Variants in ARHGAP25 observed in about 807,000 individuals in gnomAD.
The protein encoded by ARHGAP25 is Rho GTPase activating protein 25.
ARHGAP25 carries 34 observed loss-of-function variants against 71.0 expected under a neutral mutation model. The ratio of observed to expected loss-of-function variants is 0.48; its 90% CI spans 0.36 to 0.64. ARHGAP25 has a LOEUF of 0.64. Among genes scored for constraint, ARHGAP25 ranks in the 30% least tolerant of loss-of-function variants. The probability of loss-of-function intolerance (pLI) is 0.00; values close to 1 mark genes in which losing one functional copy is unlikely to be tolerated. For synonymous variants in ARHGAP25, 282 were observed against 296.5 expected, an observed-to-expected ratio of 0.95 and a Z score of 0.50; for missense variants, 706 against 805.1, an observed-to-expected ratio of 0.88 and a Z score of 1.49.
intron 1 of ARHGAP25, among the ~76,000 whole-genome samples, chr2:68,752,597 A>G (rs371939066): frequency 2.2e-4 from 34 of 152,262 alleles, no homozygotes; most frequent in African/African-American, 7.9e-4. Flanking sequence ...ACTAGAGCAG[A>G]ATGAACAGCT....
chr2:68,711,583 A>C (rs1454267570), intron 2 of ARHGAP25, among the ~76,000 whole-genome samples: 1 of 152,074 alleles, frequency 6.6e-6, no homozygotes, highest in Non-Finnish European at 1.5e-5. Flanking sequence ...GGTTTGTTAC[A>C]TAGGTATACA....
intron 2 of ARHGAP25, among the ~76,000 whole-genome samples, chr2:68,720,592 C>T (rs1248989617): frequency 2.0e-5 from 3 of 152,158 alleles, no homozygotes; most frequent in Non-Finnish European, 4.4e-5. Flanking sequence ...AATTTGTAGG[C>T]TATTTTCTAA....
At chr2:68,777,330 G>A (rs527591339) in intron 2 of ARHGAP25, among the ~76,000 whole-genome samples, 2 of 152,160 alleles carry the variant, frequency 1.3e-5, no homozygotes, top group South Asian at 2.1e-4. Flanking sequence ...CCACTATTTG[G>A]CCCTGTAATT....
chr2:68,736,067 A>G lies in ARHGAP25; in HGVS notation c.61+807A>G, dbSNP rs142128728. 2.6e-3 allele frequency among the ~76,000 whole-genome samples: 403 copies of G among 152,344 alleles called. 2 individuals are homozygous for G. Among genetic ancestry groups the G allele is most frequent in the African/African-American group, 9.2e-3 (382 of 41,580 alleles). On this transcript the variant is annotated intron_variant, in intron 1 of 10. Coordinates refer to ENST00000409202, the MANE Select transcript of ARHGAP25 (RefSeq NM_001007231.3). ...GCCTACATTTATGTATCTCACCCATACATGAGATAACTTCCTTGATATTAG... is the reference window on the plus strand; with the variant it reads ...GCCTACATTTATGTATCTCACCCATGCATGAGATAACTTCCTTGATATTAG...
upstream of ARHGAP25, among the ~76,000 whole-genome samples, chr2:68,731,819 C>T (rs569149439): frequency 5.9e-5 from 9 of 151,946 alleles, no homozygotes; most frequent in Non-Finnish European, 1.3e-4. Flanking sequence ...TATACACCCC[C>T]CCTAGCTCCC....
intron 10 of ARHGAP25, among the ~76,000 whole-genome samples, chr2:68,823,626 T>C (rs1681870885): frequency 1.3e-5 from 2 of 151,776 alleles, no homozygotes; most frequent in African/African-American, 4.8e-5. Flanking sequence ...TTAGAGGAGA[T>C]GAGGGTGGAG....
intron 1 of ARHGAP25, among the ~76,000 whole-genome samples, chr2:68,741,663 C>T (rs770658554): frequency 3.2e-4 from 49 of 152,218 alleles, no homozygotes; most frequent in Admixed American, 7.2e-4. Flanking sequence ...GCCTCAGTCT[C>T]CCAAAGTGCT....
chr2:68,726,375 T>C lies in ARHGAP25; in HGVS notation c.-18+15677T>C, dbSNP rs183584083. Among the ~76,000 whole-genome samples the C allele has an allele frequency of 9.8e-4, 149 of 152,336 alleles. 1 individual carries two copies. The highest frequency in any genetic ancestry group is 1.9e-3 in the Non-Finnish European group (128 of 68,018). ...ATTAATGTAACGTAATACAGAACAA[T>C]GGCCAAAAGGAGGTGTTACGTGAGG... On this transcript the variant is annotated intron_variant and NMD_transcript_variant, in intron 2 of 7. Transcript: ENST00000463483.
chr2:68,803,182 G>A (rs1471292257), intron 4 of ARHGAP25, among the ~76,000 whole-genome samples: 1 of 152,184 alleles, frequency 6.6e-6, no homozygotes. Context: ...ACGAGCAGGT[G>A]GAAGATGGAG....
rs1428634654 is a variant in ARHGAP25 at position 68,767,676 on chromosome 2, G to A, written c.62-7545G>A. 1.3e-5 allele frequency among the ~76,000 whole-genome samples: 2 copies of A among 152,174 alleles called. No individual in the cohort carries two copies. Among genetic ancestry groups the A allele is most frequent in the Non-Finnish European group, 2.9e-5 (2 of 68,032 alleles). On this transcript the variant is annotated intron_variant, in intron 1 of 10. Transcript: ENST00000409202. This position sits in a 1 kb window ranked among gnomAD's most constrained non-coding sequence, Gnocchi z 4.6. ...AGGTCTCTCCACATGAGCTTGGGTAGCAGCTGGTAAGACGTGGCAGGATTA... is the reference window on the plus strand; with the variant it reads ...AGGTCTCTCCACATGAGCTTGGGTAACAGCTGGTAAGACGTGGCAGGATTA...
intron 1 of ARHGAP25, among the ~76,000 whole-genome samples, chr2:68,738,060 G>A (rs1245361353): frequency 6.6e-6 from 1 of 152,184 alleles, no homozygotes; most frequent in African/African-American, 2.4e-5. Context: ...GATCCTGGCA[G>A]GAATAGGGGT....
chr2:68,823,886 T>A (rs1681893989), intron 10 of ARHGAP25, among the ~76,000 whole-genome samples: 1 of 152,204 alleles, frequency 6.6e-6, no homozygotes, highest in African/African-American at 2.4e-5. Flanking sequence ...TGAAATATTT[T>A]TCACACTACT....
At chr2:68,720,316 C>CAAA (rs11314943) in intron 2 of ARHGAP25, among the ~76,000 whole-genome samples, 206 of 75,682 alleles carry the variant, frequency 2.7e-3, no homozygotes, top group African/African-American at 0.012. Flanking sequence ...ACATTTCAGT[C>CAAA]AAAAAAAAAA....
intron 1 of ARHGAP25, 162 bp from the exon 2 acceptor site, chr2:68,775,059 C>T (rs531779649): frequency 7.2e-6 from 11 of 1,528,176 alleles, no homozygotes; most frequent in East Asian, 4.5e-5. Context: ...TTCTCTGGCT[C>T]GGGGGGGACT....
At chr2:68,819,376 C>T (rs754744039) in intron 9 of ARHGAP25, 57 bp downstream of exon 9, 1 of 1,573,298 alleles carries the variant, frequency 6.4e-7, no homozygotes, top group East Asian at 2.2e-5. Context: ...TCCAGGCCAT[C>T]CCATGTAAGG....
intron 1 of ARHGAP25, among the ~76,000 whole-genome samples, chr2:68,746,165 T>A (rs1573416604): frequency 1.3e-5 from 2 of 152,354 alleles, no homozygotes; most frequent in East Asian, 1.9e-4. Flanking sequence ...GCCTACTTTT[T>A]AATTTTCTCC....
intron 9 of ARHGAP25, 43 bp from the exon 10 acceptor site, chr2:68,822,297 A>T: frequency 6.4e-7 from 1 of 1,560,202 alleles, no homozygotes; most frequent in South Asian, 1.2e-5. Flanking sequence ...TGACACACAG[A>T]GGTGAAAACC....
intron 6 of ARHGAP25, among the ~76,000 whole-genome samples, chr2:68,814,846 G>A (rs897437515): frequency 6.6e-6 from 1 of 152,190 alleles, no homozygotes; most frequent in Non-Finnish European, 1.5e-5. Context: ...AAATTAGATT[G>A]CATGGATCTG....
At chr2:68,809,330 G>A (rs13031313) in intron 5 of ARHGAP25, among the ~76,000 whole-genome samples, 42,677 of 151,998 alleles carry the variant, frequency 0.28, 6,435 homozygotes, top group South Asian at 0.41. Context: ...GAAAGGAGGG[G>A]AGGGGCTTAC....
Sources: allele counts gnomAD v4.1 joint callset (sites outside exome capture counted in the v4.1 genomes callset), GRCh38; gene constraint gnomAD v4.1.1; non-coding constraint Gnocchi (gnomAD v3.1); transcripts MANE v1.5; gene names NCBI Gene and HGNC (gene_info 2026-07-23, HGNC 2026-07-21).